Variants in MYCBP2 observed in about 807,000 individuals in gnomAD.
MYCBP2 encodes the protein MYC binding protein 2.
MYCBP2 carries 120 observed loss-of-function variants against 525.3 expected under a neutral mutation model. The ratio of observed to expected loss-of-function variants is 0.23; its 90% confidence interval spans 0.20 to 0.27. MYCBP2 has a LOEUF of 0.27. Among genes scored for constraint, MYCBP2 ranks in the 10% least tolerant of loss-of-function variants. MYCBP2 has a pLI of 1.00. For synonymous variants in MYCBP2, 1,894 were observed against 1,955.8 expected (o/e 0.97, Z 0.83); for missense variants, 4,149 against 5,657.1 (o/e 0.73, Z 8.55).
chr13:77,275,938 C>G (rs537117201), intron 4 of MYCBP2, among the ~76,000 whole-genome samples: 6 of 152,278 alleles, frequency 3.9e-5, no homozygotes, highest in African/African-American at 1.4e-4. Context: ...GAGCCAAGAT[C>G]GCACCACTGC....
At chr13:77,052,201 C>T (rs563859784) in intron 80 of MYCBP2, among the ~76,000 whole-genome samples, 1 of 152,070 alleles carries the variant, frequency 6.6e-6, no homozygotes, top group Non-Finnish European at 1.5e-5. Flanking sequence ...TCTTCCACCT[C>T]TCTCTCTGTT....
intron 23 of MYCBP2, among the ~76,000 whole-genome samples, chr13:77,210,476 G>GC (rs1443555053): frequency 6.6e-6 from 1 of 152,140 alleles, no homozygotes; most frequent in Non-Finnish European, 1.5e-5. Context: ...ACAGGCGTGA[G>GC]CCACCGCACC....
Position 77,058,490 on chromosome 13 carries a change from AG to A in MYCBP2, c.13141-85del. ...TTTTCCTTATTATATAAATTTCCAA[AG>A]ATTACTTTCCCACAGGAAGTATCTA... On this transcript the variant is annotated intron_variant, in intron 77 of 82. Coordinates refer to ENST00000544440, the MANE Select transcript of MYCBP2 (RefSeq NM_015057.5). The surrounding 1 kb of genome is among the most constrained non-coding windows in gnomAD (Gnocchi z 4.1). The A allele has an allele frequency of 8.1e-7, 1 of 1,241,788 alleles. No individual in the cohort carries two copies. Among genetic ancestry groups the A allele is most frequent in the Non-Finnish European group, 1.1e-6 (1 of 921,522 alleles). 76.9% of individuals were successfully genotyped at this position (1,241,788 alleles called of 1,614,324 possible). A position where few individuals can be genotyped will look rare whatever the true frequency, so the allele number is the denominator to read the frequency against.
intron 33 of MYCBP2, among the ~76,000 whole-genome samples, chr13:77,181,257 T>C (rs2060194849): frequency 1.3e-5 from 2 of 152,196 alleles, no homozygotes; most frequent in South Asian, 4.1e-4. Flanking sequence ...ATGTTTCCTA[T>C]ACCTATTATT....
At chr13:77,313,376 A>G (rs982430707) in intron 1 of MYCBP2, among the ~76,000 whole-genome samples, 1 of 152,030 alleles carries the variant, frequency 6.6e-6, no homozygotes, top group African/African-American at 2.4e-5. Context: ...GAAATAGAAA[A>G]CAGATCAATA....
chr13:77,302,826 T>C (rs994930074), intron 1 of MYCBP2, among the ~76,000 whole-genome samples: 4 of 152,208 alleles, frequency 2.6e-5, no homozygotes, highest in African/African-American at 4.8e-5. Context: ...AAAGAGCATT[T>C]CTAAATGGCA....
At chr13:77,273,880 T>C (rs939340621) in intron 4 of MYCBP2, among the ~76,000 whole-genome samples, 18 of 152,250 alleles carry the variant, frequency 1.2e-4, no homozygotes, top group African/African-American at 4.1e-4. Context: ...CAACTCCTTA[T>C]TTTTCTTAGT....
intron 69 of MYCBP2, 54 bp downstream of exon 69, chr13:77,070,577 C>CAT: frequency 8.3e-7 from 1 of 1,204,562 alleles, no homozygotes; most frequent in Middle Eastern, 2.0e-4. Flanking sequence ...CAAACAAACA[C>CAT]ACACACACAC....
chr13:77,045,189 A>C lies in MYCBP2; in HGVS notation c.*189T>G, dbSNP rs760127053. ...TTTGTTCAAAAGAAGATAAACCAAA[A>C]TAATGGGGAAACTTTTCATAGCAAG... On this transcript the variant is annotated 3_prime_UTR_variant, in exon 83 of 83. Coordinates refer to ENST00000544440, the MANE Select transcript of MYCBP2 (RefSeq NM_015057.5). 2.1e-6 allele frequency: 1 copy of C among 486,610 alleles called. No individual in the cohort carries two copies. The highest frequency in any genetic ancestry group is 3.6e-6 in the Non-Finnish European group (1 of 275,862). The allele number at this position is 486,610 out of a possible 1,614,324, so 30.1% of individuals were successfully genotyped here.
At chr13:77,187,989 T>C (rs1163046044) in intron 30 of MYCBP2, among the ~76,000 whole-genome samples, 1 of 150,280 alleles carries the variant, frequency 6.7e-6, no homozygotes, top group Non-Finnish European at 1.5e-5. Context: ...GAGAATTGCT[T>C]GAACTCAGGA....
chr13:77,053,128 A>G (rs2037178377), intron 80 of MYCBP2, among the ~76,000 whole-genome samples: 1 of 148,338 alleles, frequency 6.7e-6, no homozygotes, highest in East Asian at 2.0e-4. Flanking sequence ...ATATGGTGAG[A>G]CCCCGTCTCA....
rs2077318885 is a variant in MYCBP2 at position 77,290,124 on chromosome 13, A to G, written c.379-1748T>C. ...ACACAAAGGGTGAATAAGCACATGA[A>G]AAGAATTTCAACATCATTAGCTACT... On this transcript the variant is annotated intron_variant, in intron 2 of 82. Coordinates refer to ENST00000544440, the MANE Select transcript of MYCBP2 (RefSeq NM_015057.5). 3.3e-5 allele frequency among the ~76,000 whole-genome samples: 5 copies of G among 152,330 alleles called. No individual in the cohort carries two copies. In the South Asian group the frequency reaches 1.0e-3, roughly 32 times the overall value.
intron 55 of MYCBP2, among the ~76,000 whole-genome samples, chr13:77,104,607 G>A (rs1448391047): frequency 6.6e-6 from 1 of 152,112 alleles, no homozygotes; most frequent in Non-Finnish European, 1.5e-5. Context: ...GTAGAAAGGA[G>A]ACTAGAATTC....
At chr13:77,046,643 A>G (rs1014543359) in intron 82 of MYCBP2, among the ~76,000 whole-genome samples, 3 of 152,210 alleles carry the variant, frequency 2.0e-5, no homozygotes, top group Admixed American at 6.5e-5. Context: ...AGAGGAATAA[A>G]AAGTAAGTTC....
intron 3 of MYCBP2, among the ~76,000 whole-genome samples, chr13:77,279,672 A>G (rs1340961700): frequency 6.6e-6 from 1 of 152,212 alleles, no homozygotes; most frequent in Admixed American, 6.5e-5. Context: ...ACAGTGGAAG[A>G]ATATTCTCTC....
chr13:77,171,762 T>C, intron 37 of MYCBP2, 128 bp from the exon 38 acceptor site: 2 of 875,638 alleles, frequency 2.3e-6, no homozygotes, highest in East Asian at 2.6e-5. Flanking sequence ...AAAGTAAACA[T>C]GCAACTATAC....
At chr13:77,059,466 T>C (rs1171516928) in intron 77 of MYCBP2, 57 bp downstream of exon 77, 2 of 1,269,920 alleles carry the variant, frequency 1.6e-6, no homozygotes, top group Non-Finnish European at 2.3e-6. Flanking sequence ...CTGTATGAAG[T>C]AAAGGTGTCA....
At chr13:77,319,992 C>T (rs1164222648) in intron 1 of MYCBP2, among the ~76,000 whole-genome samples, 3 of 152,140 alleles carry the variant, frequency 2.0e-5, no homozygotes, top group Admixed American at 6.5e-5. Flanking sequence ...CAGTGAAAGA[C>T]GTAAGACTGA....
chr13:77,144,575 G>C lies in MYCBP2; in HGVS notation c.7188-15C>G, dbSNP rs370071486. ...TCTCACTGGGTCTGAAAAGAAATAA[G>C]ATGGATATTGGAAATTTTACTTTTG... On this transcript the variant is annotated splice_polypyrimidine_tract_variant and intron_variant, in intron 48 of 82. Transcript: ENST00000544440. 1.9e-6 allele frequency: 3 copies of C among 1,548,692 alleles called. No individual in the cohort carries two copies. Among genetic ancestry groups the C allele is most frequent in the Non-Finnish European group, 1.8e-6 (2 of 1,121,214 alleles).
Sources: allele counts gnomAD v4.1 joint callset (sites outside exome capture counted in the v4.1 genomes callset), GRCh38; gene constraint gnomAD v4.1.1; non-coding constraint Gnocchi (gnomAD v3.1); transcripts MANE v1.5; gene names NCBI Gene and HGNC (gene_info 2026-07-23, HGNC 2026-07-21).